RRM2: variants seen among roughly 807,000 people sequenced by gnomAD.
RRM2 encodes ribonucleoside-diphosphate reductase subunit M2.
In RRM2, 6 loss-of-function variants were observed where a neutral mutation model predicts 45.9. The observed-to-expected ratio is 0.13, with a 90% CI of 0.07 to 0.26. The LOEUF is 0.26. Among genes scored for constraint, RRM2 ranks in the 10% least tolerant of loss-of-function variants. The probability of loss-of-function intolerance (pLI) is 1.00; values close to 1 mark genes in which losing one functional copy is unlikely to be tolerated. For synonymous variants in RRM2, 177 were observed against 173.0 expected (o/e 1.02, Z -0.18); for missense variants, 343 against 489.5 (o/e 0.70, Z 2.82).
At chr2:10,142,827 C>T (rs902365941) in intron 3 of RRM2, among the ~76,000 whole-genome samples, 9 of 152,216 alleles carry the variant, frequency 5.9e-5, no homozygotes, top group Admixed American at 2.0e-4. Context: ...GCGGGCTCCC[C>T]GCTCACCTCT....
intron 3 of RRM2, among the ~76,000 whole-genome samples, chr2:10,151,152 A>G (rs2160190): frequency 0.64 from 96,664 of 152,008 alleles, 31,274 homozygotes; most frequent in African/African-American, 0.7. Context: ...GTATATAACA[A>G]TGGTTCATTC....
At position 10,184,091 on chromosome 2, in the gene RRM2, T is replaced by TAAAAAAAAAAAAAAAAAA. The variant is rs60421650; in HGVS notation, n.483-26208_483-26191dup. Among the ~76,000 whole-genome samples, 7 of 30,684 alleles carry TAAAAAAAAAAAAAAAAAA rather than the reference T, an allele frequency of 2.3e-4. 1 individual carries two copies. The highest frequency in any genetic ancestry group is 3.8e-4 in the Non-Finnish European group (7 of 18,400). The allele number at this position is 30,684 out of a possible 152,430, so 20.1% of individuals were successfully genotyped here. A position where few individuals can be genotyped will look rare whatever the true frequency, so the allele number is the denominator to read the frequency against. ...CTGGGTGACAGAGCGAGACTCCATCTAAAAAAAAAAAAAAAAAAAAAAAAA... is the reference window on the plus strand; with the variant it reads ...CTGGGTGACAGAGCGAGACTCCATCTAAAAAAAAAAAAAAAAAAAAAAAAAAAAAAAAAAAAAAAAAAA... On this transcript the variant is annotated intron_variant and non_coding_transcript_variant, in intron 3 of 3. Coordinates refer to the RRM2 transcript ENST00000381786.
At chr2:10,125,582 T>G (rs1662761225) in intron 5 of RRM2, among the ~76,000 whole-genome samples, 2 of 152,208 alleles carry the variant, frequency 1.3e-5, no homozygotes, top group Admixed American at 1.3e-4. Flanking sequence ...TAGTCCCAGC[T>G]GCTTGGGAGG....
chr2:10,138,261 G>A (rs113287931), upstream of RRM2, among the ~76,000 whole-genome samples: 6,342 of 151,240 alleles, frequency 0.042, 441 homozygotes, highest in African/African-American at 0.15. Flanking sequence ...TCTGCCTCCC[G>A]GGTTCAAGTG....
chr2:10,203,484 C>T (rs958262875), intron 3 of RRM2, among the ~76,000 whole-genome samples: 9 of 152,172 alleles, frequency 5.9e-5, no homozygotes, highest in Non-Finnish European at 1.3e-4. Context: ...GGCACAGTGG[C>T]TCACGCCTGT....
intron 3 of RRM2, among the ~76,000 whole-genome samples, chr2:10,165,182 C>G (rs972074076): frequency 1.3e-5 from 2 of 152,212 alleles, no homozygotes; most frequent in Admixed American, 1.3e-4. Flanking sequence ...AACTCCTGAG[C>G]TCAAGCAATC....
intron 3 of RRM2, among the ~76,000 whole-genome samples, chr2:10,145,343 C>T (rs115219947): frequency 9.7e-4 from 147 of 152,310 alleles, no homozygotes; most frequent in African/African-American, 3.4e-3. Flanking sequence ...CTCAAATTCC[C>T]ATACATAGAG....
At chr2:10,124,065 G>A (rs759055407) in intron 4 of RRM2, 1 of 546,528 alleles carries the variant, frequency 1.8e-6, no homozygotes, top group Non-Finnish European at 3.2e-6. Context: ...ATATTAAGTG[G>A]TAGCAATGTG....
chr2:10,123,411 G>T lies in RRM2; in HGVS notation c.199G>T (p.Val67Leu), dbSNP rs753828702. The T allele has an allele frequency of 6.2e-7, 1 of 1,612,244 alleles. No individual in the cohort carries two copies. Among genetic ancestry groups the T allele is most frequent in the African/African-American group, 1.3e-5 (1 of 74,792 alleles). ...GAAAACTAAAGCAGCTGCCCCCGGC[G>T]TGGAGGATGAGCCGCTGCTGAGAGA... ...EPKTKAAAPG[V>L]EDEPLLRENP... The change falls in exon 3 of 10, where the codon GTG becomes TTG. Residue 67 changes from valine to leucine, a missense_variant. This residue lies in a region of RRM2 where 131 missense variants were observed against 121.4 expected (regional missense o/e 1.08). Coordinates refer to ENST00000304567, the MANE Select transcript of RRM2 (RefSeq NM_001034.4).
chr2:10,124,372 T>C (rs1044698139), intron 4 of RRM2, among the ~76,000 whole-genome samples: 1 of 152,148 alleles, frequency 6.6e-6, no homozygotes, highest in Non-Finnish European at 1.5e-5. Flanking sequence ...TCCCAAAGTG[T>C]TGGGATTACA....
At chr2:10,186,268 A>G (rs541157332) in intron 3 of RRM2, among the ~76,000 whole-genome samples, 2 of 151,578 alleles carry the variant, frequency 1.3e-5, no homozygotes, top group South Asian at 4.2e-4. Flanking sequence ...CTGCCTCAGC[A>G]TCCCGAGTAG....
intron 3 of RRM2, among the ~76,000 whole-genome samples, chr2:10,176,955 T>C (rs555932881): frequency 7.5e-4 from 114 of 152,318 alleles, no homozygotes; most frequent in African/African-American, 2.4e-3. Flanking sequence ...TTTAAAATAG[T>C]ACTGATTGAG....
chr2:10,189,514 G>A (rs1389549585), intron 3 of RRM2, among the ~76,000 whole-genome samples: 1 of 152,228 alleles, frequency 6.6e-6, no homozygotes, highest in African/African-American at 2.4e-5. Context: ...CCCACCAGCA[G>A]CCTGCCCCTT....
intron 3 of RRM2, among the ~76,000 whole-genome samples, chr2:10,197,507 T>TG (rs945867109): frequency 2.0e-5 from 3 of 151,354 alleles, no homozygotes; most frequent in Non-Finnish European, 2.9e-5. Flanking sequence ...CAGCAAGGCC[T>TG]GGGGGGCATT....
intron 3 of RRM2, among the ~76,000 whole-genome samples, chr2:10,183,592 G>A (rs1664103906): frequency 6.6e-6 from 1 of 152,224 alleles, no homozygotes; most frequent in Non-Finnish European, 1.5e-5. Flanking sequence ...GCTTATGCCT[G>A]TAATCCCAGC....
chr2:10,155,251 GA>G, intron 3 of RRM2: 1 of 218,066 alleles, frequency 4.6e-6, no homozygotes, highest in Non-Finnish European at 9.5e-6. Flanking sequence ...GGAGTCTTGT[GA>G]AAATGGTTAG....
chr2:10,140,014 T>C (rs906936834), upstream of RRM2, among the ~76,000 whole-genome samples: 22 of 152,260 alleles, frequency 1.4e-4, no homozygotes, highest in African/African-American at 5.3e-4. Flanking sequence ...TTTGGGAGGC[T>C]GAGGCGGGTG....
rs181249163 is a variant in RRM2 at position 10,205,753 on chromosome 2, G to A, written n.483-4558G>A. Among the ~76,000 whole-genome samples the A allele has an allele frequency of 5.7e-4, 86 of 152,092 alleles. No homozygotes were observed. The highest frequency in any genetic ancestry group is 2.0e-3 in the African/African-American group (84 of 41,516). Reference sequence around the variant, plus strand: ...GTCACCCAGGCTGGAGTGCAATGGTGCAATCTCCGCTCACTGCAACCTCTG... The same window carrying A: ...GTCACCCAGGCTGGAGTGCAATGGTACAATCTCCGCTCACTGCAACCTCTG... On this transcript the variant is annotated intron_variant and non_coding_transcript_variant, in intron 3 of 3. Coordinates refer to the RRM2 transcript ENST00000381786. The surrounding 1 kb of genome is among the most constrained non-coding windows in gnomAD (Gnocchi z 4.8).
chr2:10,128,546 A>G (rs1457352693), intron 7 of RRM2, among the ~76,000 whole-genome samples: 1 of 152,238 alleles, frequency 6.6e-6, no homozygotes, highest in Non-Finnish European at 1.5e-5. Context: ...TGGCTGTAGA[A>G]AGATCACTGA....
Sources: gnomAD v4.1 joint callset for allele counts (sites outside exome capture counted in the v4.1 genomes callset) on GRCh38, gnomAD v4.1.1 for gene constraint, gnomAD v4.1.1 regional missense constraint, Gnocchi (gnomAD v3.1) non-coding constraint, MANE v1.5 for transcripts, NCBI Gene and HGNC (gene_info 2026-07-23, HGNC 2026-07-21) for gene names.